Variants in RAP1GAP observed in about 807,000 individuals in gnomAD.
RAP1GAP encodes the protein RAP1 GTPase activating protein.
In RAP1GAP, 35 loss-of-function variants were observed where a neutral mutation model predicts 87.2. The observed-to-expected ratio is 0.40, with a 90% CI of 0.31 to 0.53. The LOEUF (loss-of-function observed/expected upper bound fraction) is 0.53. Ranked by LOEUF, RAP1GAP falls within the 20% of genes least tolerant of loss-of-function variation. RAP1GAP has a pLI of 0.48. For missense variants in RAP1GAP, 734 were observed against 898.9 expected, an observed-to-expected ratio of 0.82 and a Z score of 2.35; for synonymous variants, 375 against 363.9, an observed-to-expected ratio of 1.03 and a Z score of -0.35.
chr1:21,636,681 C>T (rs2094719620), intron 2 of RAP1GAP, among the ~76,000 whole-genome samples: 1 of 151,952 alleles, frequency 6.6e-6, no homozygotes, highest in African/African-American at 2.4e-5. Flanking sequence ...GTAGCGCACG[C>T]CTGTAATCCC....
chr1:21,602,613 C>A (rs150180791), intron 19 of RAP1GAP, among the ~76,000 whole-genome samples, 191 bp downstream of exon 19: 228 of 152,342 alleles, frequency 1.5e-3, no homozygotes, highest in African/African-American at 5.3e-3. Flanking sequence ...TCTTGATCTG[C>A]ATGTGGCACG....
At chr1:21,629,880 A>G (rs2150531423) in intron 2 of RAP1GAP, among the ~76,000 whole-genome samples, 1 of 152,340 alleles carries the variant, frequency 6.6e-6, no homozygotes, top group South Asian at 2.1e-4. Flanking sequence ...TTGACTTCAG[A>G]GCCCAAGATC....
In RAP1GAP at chr1:21,610,200, C is replaced by T. The variant is rs777783664; in HGVS notation, c.919G>A (p.Asp307Asn). 3.0e-5 allele frequency: 48 copies of T among 1,614,034 alleles called. No individual in the cohort carries two copies. The highest frequency in any genetic ancestry group is 3.6e-5 in the Non-Finnish European group (43 of 1,180,036). ...FQDENTPFVP[D>N]MIASNFLHAY... ...TGCAGGAAGTTGGACGCGATCATGT[C>T]GGGCACGAAAGGAGTGTTCTCATCC... is the stretch of plus-strand genomic sequence containing the variant. The change falls in exon 14 of 25, where the codon GAC (aspartate) becomes AAC (asparagine). Residue 307 changes from aspartate (D) to asparagine (N), a missense_variant. Around this residue, in one of 2 missense-constraint regions of RAP1GAP, gnomAD observed 485 missense variants for 646.2 expected, o/e 0.75. Coordinates refer to ENST00000374765, the MANE Select transcript of RAP1GAP (RefSeq NM_002885.4).
intron 2 of RAP1GAP, among the ~76,000 whole-genome samples, chr1:21,644,879 T>G (rs2095869520): frequency 8.1e-6 from 1 of 124,070 alleles, no homozygotes; most frequent in Non-Finnish European, 1.6e-5. Flanking sequence ...CCAGCCTGGG[T>G]AACAGAGTGA....
intron 1 of RAP1GAP, among the ~76,000 whole-genome samples, chr1:21,662,637 C>A (rs925539929): frequency 1.3e-5 from 2 of 152,144 alleles, no homozygotes; most frequent in Non-Finnish European, 2.9e-5. Context: ...GCCTCCAAGT[C>A]TCAGCCCCAC....
chr1:21,619,557 T>A (rs2085212753), intron 4 of RAP1GAP, among the ~76,000 whole-genome samples: 1 of 151,972 alleles, frequency 6.6e-6, no homozygotes, highest in South Asian at 2.1e-4. Flanking sequence ...CTCCCATGCA[T>A]ACCTATGTGA....
At chr1:21,620,700 G>A (rs567474247) in intron 3 of RAP1GAP, among the ~76,000 whole-genome samples, 4 of 152,174 alleles carry the variant, frequency 2.6e-5, no homozygotes, top group Non-Finnish European at 5.9e-5. Flanking sequence ...CCTGGAAGGC[G>A]GCATCCCTGC....
intron 1 of RAP1GAP, among the ~76,000 whole-genome samples, chr1:21,664,749 AT>A (rs11286737): frequency 0.84 from 128,004 of 151,640 alleles, 54,255 homozygotes; most frequent in East Asian, 0.93. Flanking sequence ...AAGGCTTATT[AT>A]TTTTTTTTTC....
chr1:21,598,468 C>T lies in RAP1GAP; in HGVS notation c.1811G>A (p.Arg604Gln), dbSNP rs146829428. The stretch of plus-strand genomic sequence containing the variant: ...CCACGTGCTATAGATGAAGGAGTCC[C>T]GCTTGTGGGGTGTTCCTGAGGATGA... ...SVSSSGTPHKRDSFIYSTWLE... is the reference protein window; with the variant it reads ...SVSSSGTPHKQDSFIYSTWLE... Residue 604 changes from arginine to glutamine, a missense_variant, in exon 22 of 25, where the codon CGG becomes CAG. Physicochemically the swap from Arg to Gln is conservative, Grantham distance 43. Transcript: ENST00000374765. The T allele has an allele frequency of 1.2e-4, 195 of 1,613,834 alleles. No individual in the cohort carries two copies. Among genetic ancestry groups the T allele is most frequent in the Non-Finnish European group, 1.6e-4 (183 of 1,179,916 alleles).
intron 21 of RAP1GAP, 107 bp from the exon 22 acceptor site, chr1:21,598,609 G>T: frequency 2.1e-6 from 2 of 938,294 alleles, no homozygotes; most frequent in Non-Finnish European, 3.3e-6. Flanking sequence ...CCCCCCACCC[G>T]TACCCTCTGC....
At chr1:21,657,015 G>A (rs989412542) in intron 1 of RAP1GAP, among the ~76,000 whole-genome samples, 4 of 152,226 alleles carry the variant, frequency 2.6e-5, no homozygotes, top group East Asian at 1.9e-4. Flanking sequence ...AGACACTGGC[G>A]ATAGAGTCTG....
intron 1 of RAP1GAP, among the ~76,000 whole-genome samples, chr1:21,655,136 T>C (rs1227051185): frequency 6.7e-6 from 1 of 148,902 alleles, no homozygotes; most frequent in Non-Finnish European, 1.5e-5. Context: ...CAAGACTCTG[T>C]CTGAAAAAAA....
chr1:21,613,135 C>T lies in RAP1GAP; in HGVS notation c.528+41G>A, dbSNP rs1269484173. 14 of 1,519,178 alleles carry T rather than the reference C, an allele frequency of 9.2e-6. No homozygotes were observed. The highest frequency in any genetic ancestry group is 1.3e-5 in the Non-Finnish European group (14 of 1,093,736). 94.1% of individuals were successfully genotyped at this position (1,519,178 alleles called of 1,614,324 possible). On this transcript the variant is annotated intron_variant, in intron 10 of 24. Coordinates refer to ENST00000374765, the MANE Select transcript of RAP1GAP (RefSeq NM_002885.4). The surrounding 1 kb of genome is among the most constrained non-coding windows in gnomAD (Gnocchi z 4.7). ...TAATAAATGCTCAGTCTTCCAGTTA[C>T]TCACCCACCCTCAGTGAGCTGTGCC...
chr1:21,622,550 G>A lies in RAP1GAP; in HGVS notation c.-18-2500C>T, dbSNP rs991006803. ...CCGGCTCCCGGCGGCGGCGCTGCCT[G>A]CGATGGGCTCGCCCCACGGCGGGGC... On this transcript the variant is annotated intron_variant, in intron 3 of 24. Transcript: ENST00000374765. This position sits in a 1 kb window ranked among gnomAD's most constrained non-coding sequence, Gnocchi z 5.7. 6.8e-6 allele frequency: 1 copy of A among 147,498 alleles called. No homozygotes were observed. The allele number at this position is 147,498 out of a possible 1,614,324, so 9.1% of individuals were successfully genotyped here.
At chr1:21,619,114 C>T (rs777778045) in intron 4 of RAP1GAP, 42 bp from the exon 5 acceptor site, 48 of 1,558,352 alleles carry the variant, frequency 3.1e-5, no homozygotes, top group East Asian at 4.7e-5. Context: ...CCAGGCCTGC[C>T]GCCAGGCGCT....
chr1:21,644,230 T>G (rs2095812525), intron 2 of RAP1GAP, among the ~76,000 whole-genome samples: 1 of 152,214 alleles, frequency 6.6e-6, no homozygotes, highest in African/African-American at 2.4e-5. Context: ...CTGCTCCCTC[T>G]GTCTGGACAC....
intron 13 of RAP1GAP, among the ~76,000 whole-genome samples, chr1:21,611,066 G>A (rs72660319): frequency 0.078 from 11,832 of 151,994 alleles, 555 homozygotes; most frequent in African/African-American, 0.13. Context: ...GCTCCTTCAC[G>A]GACTAAAAGT....
chr1:21,665,783 G>A (rs1248791878), intron 1 of RAP1GAP, among the ~76,000 whole-genome samples: 4 of 152,200 alleles, frequency 2.6e-5, no homozygotes, highest in Non-Finnish European at 5.9e-5. Flanking sequence ...CAGGGTGGCC[G>A]CCCCAAGAAG....
At chr1:21,627,799 AC>A (rs2092704264) in intron 2 of RAP1GAP, among the ~76,000 whole-genome samples, 1 of 152,108 alleles carries the variant, frequency 6.6e-6, no homozygotes, top group African/African-American at 2.4e-5. Flanking sequence ...CCACTTATGC[AC>A]TGGAGGCCTC....
Sources: allele counts gnomAD v4.1 joint callset (sites outside exome capture counted in the v4.1 genomes callset), GRCh38; gene constraint gnomAD v4.1.1; regional missense constraint gnomAD v4.1.1; non-coding constraint Gnocchi (gnomAD v3.1); transcripts MANE v1.5; gene names NCBI Gene and HGNC (gene_info 2026-07-23, HGNC 2026-07-21).